The following NKAIN2 variants were observed in gnomAD, a reference collection of about 807,000 sequenced individuals.
The protein encoded by NKAIN2 is sodium/potassium-transporting ATPase subunit beta-1-interacting protein 2.
Under a neutral mutation model 32.6 loss-of-function variants are expected in NKAIN2, and 14 were observed. That is an observed-to-expected ratio of 0.43 (90% CI 0.28 to 0.67). The LOEUF (loss-of-function observed/expected upper bound fraction) is 0.67. Ranked by LOEUF, NKAIN2 falls within the 30% of genes least tolerant of loss-of-function variation. The pLI is 0.17. For missense variants in NKAIN2, 198 were observed against 258.3 expected (o/e 0.77, Z 1.60); for synonymous variants, 80 against 87.2 (o/e 0.92, Z 0.46).
chr6:124,718,210 C>G (rs974441933), intron 4 of NKAIN2, among the ~76,000 whole-genome samples: 1 of 151,932 alleles, frequency 6.6e-6, no homozygotes, highest in Non-Finnish European at 1.5e-5. Context: ...AAAGAGAAAC[C>G]CTGTACCCAT....
chr6:124,005,533 C>A lies in NKAIN2; in HGVS notation c.54+201279C>A, dbSNP rs1013164868. Reference sequence around the variant, plus strand: ...ATCCCCTAGGTTTGAAATAATAAATCTGCATGTTCATATCTCAAATATTAT... The same window carrying A: ...ATCCCCTAGGTTTGAAATAATAAATATGCATGTTCATATCTCAAATATTAT... On this transcript the variant is annotated intron_variant, in intron 1 of 6. Coordinates refer to ENST00000368417, the MANE Select transcript of NKAIN2 (RefSeq NM_001040214.3). Among the ~76,000 whole-genome samples, 8 of 151,972 alleles carry A rather than the reference C, an allele frequency of 5.3e-5. No homozygotes were observed. The East Asian group carries it at 1.5e-3, about 29-fold the overall frequency.
chr6:123,811,027 T>A (rs1336195732), intron 1 of NKAIN2, among the ~76,000 whole-genome samples: 2 of 152,152 alleles, frequency 1.3e-5, no homozygotes, highest in Non-Finnish European at 2.9e-5. Flanking sequence ...GATACTGATG[T>A]TGATGATCAG....
At position 123,964,351 on chromosome 6, in the gene NKAIN2, A is replaced by G. The variant is rs941197053; in HGVS notation, c.54+160097A>G. ...CCTGAACCTCCTCTAGTTTCATTAA[A>G]TTTAATTAGTATCAATTGCCAGTGT... On this transcript the variant is annotated intron_variant, in intron 1 of 6. Transcript: ENST00000368417. The surrounding 1 kb of genome is among the most constrained non-coding windows in gnomAD (Gnocchi z 4.0). Among the ~76,000 whole-genome samples, 3 of 152,258 alleles carry G rather than the reference A, an allele frequency of 2.0e-5. No homozygotes were observed. The highest frequency in any genetic ancestry group is 6.5e-5 in the Admixed American group (1 of 15,282).
At chr6:124,285,030 A>G (rs1468531895) in intron 2 of NKAIN2, among the ~76,000 whole-genome samples, 2 of 152,184 alleles carry the variant, frequency 1.3e-5, no homozygotes, top group Non-Finnish European at 2.9e-5. Flanking sequence ...TTATGATGCC[A>G]AGGGAAAACA....
chr6:124,147,522 AT>A (rs1405789626), intron 1 of NKAIN2, among the ~76,000 whole-genome samples: 12 of 152,252 alleles, frequency 7.9e-5, no homozygotes, highest in African/African-American at 1.4e-4. Context: ...TGAAAGGTTC[AT>A]TTTTCCAATA....
chr6:124,559,861 T>C (rs1246126727), intron 3 of NKAIN2, among the ~76,000 whole-genome samples: 1 of 99,824 alleles, frequency 1.0e-5, no homozygotes, highest in East Asian at 2.9e-4. Context: ...TTTTTTTTTT[T>C]GCTTTAAGCC....
At chr6:124,147,644 A>C (rs1787482803) in intron 1 of NKAIN2, among the ~76,000 whole-genome samples, 1 of 152,126 alleles carries the variant, frequency 6.6e-6, no homozygotes, top group Non-Finnish European at 1.5e-5. Context: ...AAACAAAAAA[A>C]CTGAATTTGT....
At chr6:123,929,795 T>A (rs1258695008) in intron 1 of NKAIN2, among the ~76,000 whole-genome samples, 1 of 152,088 alleles carries the variant, frequency 6.6e-6, no homozygotes, top group Non-Finnish European at 1.5e-5. Flanking sequence ...CAGATTTTTT[T>A]AGGGGAATGT....
chr6:123,970,752 C>T (rs1049437682), intron 1 of NKAIN2, among the ~76,000 whole-genome samples: 19 of 151,826 alleles, frequency 1.3e-4, no homozygotes, highest in Admixed American at 5.2e-4. Context: ...CATGGTGGTG[C>T]GTGCCTGTAA....
intron 1 of NKAIN2, among the ~76,000 whole-genome samples, chr6:123,856,853 T>C (rs1257268494): frequency 1.3e-5 from 2 of 152,186 alleles, no homozygotes; most frequent in Non-Finnish European, 2.9e-5. Flanking sequence ...CTTCCTCTCC[T>C]AATTAAATCA....
chr6:124,327,062 A>ATT (rs11401372), intron 2 of NKAIN2, among the ~76,000 whole-genome samples: 37 of 144,050 alleles, frequency 2.6e-4, no homozygotes, highest in African/African-American at 8.3e-4. Flanking sequence ...TCCTCAGACT[A>ATT]TTTTTTTTTT....
At chr6:124,602,046 G>A (rs1422457637) in intron 3 of NKAIN2, among the ~76,000 whole-genome samples, 1 of 151,950 alleles carries the variant, frequency 6.6e-6, no homozygotes, top group Non-Finnish European at 1.5e-5. Context: ...ATATCTGAAG[G>A]CTAAATCTGT....
At chr6:124,810,311 T>G (rs1221404283) in intron 5 of NKAIN2, among the ~76,000 whole-genome samples, 2 of 151,540 alleles carry the variant, frequency 1.3e-5, no homozygotes, top group Admixed American at 6.6e-5. Context: ...CCATAAAAAA[T>G]GATGAGTTCA....
At chr6:124,069,571 G>T (rs1167950398) in intron 1 of NKAIN2, among the ~76,000 whole-genome samples, 1 of 152,156 alleles carries the variant, frequency 6.6e-6, no homozygotes, top group Non-Finnish European at 1.5e-5. Flanking sequence ...AGACAGGCTG[G>T]AGCACAGAAG....
At chr6:124,813,912 T>C (rs1781025718) in intron 5 of NKAIN2, among the ~76,000 whole-genome samples, 1 of 152,226 alleles carries the variant, frequency 6.6e-6, no homozygotes, top group Non-Finnish European at 1.5e-5. Flanking sequence ...GTCAAATGTT[T>C]TATGACCCTT....
chr6:124,164,275 C>A (rs1283083410), intron 1 of NKAIN2, among the ~76,000 whole-genome samples: 1 of 151,960 alleles, frequency 6.6e-6, no homozygotes, highest in East Asian at 1.9e-4. Context: ...CCACGTTTCC[C>A]AAACTGTGTA....
Position 124,355,212 on chromosome 6 carries a change from A to G in NKAIN2, c.193-55A>G, listed in dbSNP as rs975487279. ...TGCGAAAGTTCGTTTTATTTGAATC[A>G]TACTCAACTGATTCCAAATTAATTA... On this transcript the variant is annotated intron_variant, in intron 2 of 6. Coordinates refer to ENST00000368417, the MANE Select transcript of NKAIN2 (RefSeq NM_001040214.3). 7 of 1,177,162 alleles carry G rather than the reference A, an allele frequency of 5.9e-6. No individual in the cohort carries two copies. The East Asian group carries it at 1.6e-4, about 28-fold the overall frequency. The allele number at this position is 1,177,162 out of a possible 1,614,324, so 72.9% of individuals were successfully genotyped here.
intron 1 of NKAIN2, among the ~76,000 whole-genome samples, chr6:124,236,858 G>T (rs982559358): frequency 1.4e-4 from 22 of 152,244 alleles, no homozygotes; most frequent in Non-Finnish European, 3.2e-4. Flanking sequence ...TATTGGAAAA[G>T]ATTAATAAGA....
intron 1 of NKAIN2, among the ~76,000 whole-genome samples, chr6:124,097,908 TA>T (rs1347861933): frequency 1.3e-5 from 2 of 152,188 alleles, no homozygotes; most frequent in Admixed American, 6.5e-5. Flanking sequence ...AGCCAACATT[TA>T]CGCTGAAACC....
Sources: gnomAD v4.1 joint callset for allele counts (sites outside exome capture counted in the v4.1 genomes callset) on GRCh38, gnomAD v4.1.1 for gene constraint, Gnocchi (gnomAD v3.1) non-coding constraint, MANE v1.5 for transcripts, NCBI Gene and HGNC (gene_info 2026-07-23, HGNC 2026-07-21) for gene names.